Variants in ROR2 observed in about 807,000 individuals in gnomAD.
ROR2 encodes the protein ROR family WNT receptor 2, also known as tyrosine-protein kinase transmembrane receptor ROR2.
ROR2 carries 33 observed loss-of-function variants against 74.9 expected under a neutral mutation model. The observed-to-expected ratio is 0.44, with a 90% CI of 0.33 to 0.59. The LOEUF (loss-of-function observed/expected upper bound fraction) is 0.59, where lower values mean the gene tolerates loss of function less well. Among genes scored for constraint, ROR2 ranks in the 20% least tolerant of loss-of-function variants. The probability of loss-of-function intolerance (pLI) is 0.02; values close to 1 mark genes in which losing one functional copy is unlikely to be tolerated. For synonymous variants in ROR2, 586 were observed against 558.7 expected, an observed-to-expected ratio of 1.05 and a Z score of -0.69; for missense variants, 1,216 against 1,313.8, an observed-to-expected ratio of 0.93 and a Z score of 1.15.
intron 4 of ROR2, among the ~76,000 whole-genome samples, chr9:91,751,141 A>G (rs1264030374): frequency 6.6e-6 from 1 of 152,184 alleles, no homozygotes; most frequent in Non-Finnish European, 1.5e-5. Flanking sequence ...CATAGGGACA[A>G]AGAGACTTGG....
chr9:91,904,357 G>A (rs576546381), intron 1 of ROR2, among the ~76,000 whole-genome samples: 16 of 152,322 alleles, frequency 1.1e-4, no homozygotes, highest in African/African-American at 2.2e-4. Context: ...CAAGTTTAGC[G>A]GGTGGAGCCC....
chr9:91,766,856 C>G (rs970279238), intron 2 of ROR2, among the ~76,000 whole-genome samples: 3 of 152,186 alleles, frequency 2.0e-5, no homozygotes, highest in Admixed American at 6.5e-5. Flanking sequence ...GAAGTCTTCC[C>G]TTTTAATTGA....
intron 1 of ROR2, among the ~76,000 whole-genome samples, chr9:91,909,583 C>T (rs549638839): frequency 1.3e-4 from 20 of 151,004 alleles, no homozygotes; most frequent in Non-Finnish European, 2.9e-4. Flanking sequence ...AACTCCTGGC[C>T]TCAAGTAATC....
At chr9:91,806,877 T>A (rs534913010) in intron 1 of ROR2, among the ~76,000 whole-genome samples, 1 of 152,184 alleles carries the variant, frequency 6.6e-6, no homozygotes, top group Non-Finnish European at 1.5e-5. Flanking sequence ...GCATAAGCCA[T>A]CGCGCCTGGC....
chr9:91,906,837 G>A (rs528589787), intron 1 of ROR2, among the ~76,000 whole-genome samples: 1 of 152,290 alleles, frequency 6.6e-6, no homozygotes, highest in South Asian at 2.1e-4. Context: ...CAGCTTTAGA[G>A]CGCCTAGAAC....
chr9:91,841,939 C>G (rs1028867300), intron 1 of ROR2, among the ~76,000 whole-genome samples: 3 of 152,184 alleles, frequency 2.0e-5, no homozygotes, highest in Non-Finnish European at 4.4e-5. Flanking sequence ...AAAGAAAAGA[C>G]AGAATGCCTT....
chr9:91,803,797 A>G (rs1463585408), intron 1 of ROR2, among the ~76,000 whole-genome samples: 1 of 152,198 alleles, frequency 6.6e-6, no homozygotes, highest in Non-Finnish European at 1.5e-5. Context: ...TGTGCATAAA[A>G]CCGACAGCTT....
chr9:91,841,583 T>C (rs2119217564), intron 1 of ROR2, among the ~76,000 whole-genome samples: 1 of 152,314 alleles, frequency 6.6e-6, no homozygotes, highest in South Asian at 2.1e-4. Context: ...ATGGGTGAGG[T>C]CTGTGAAAAA....
At chr9:91,927,778 G>A (rs1333189941) in intron 1 of ROR2, among the ~76,000 whole-genome samples, 1 of 151,804 alleles carries the variant, frequency 6.6e-6, no homozygotes, top group African/African-American at 2.4e-5. Context: ...TGCCCAGGCT[G>A]GTCTTGAACT....
intron 1 of ROR2, among the ~76,000 whole-genome samples, chr9:91,802,355 C>T (rs564218918): frequency 2.0e-5 from 3 of 152,184 alleles, no homozygotes; most frequent in East Asian, 1.9e-4. Flanking sequence ...AGATTACAGG[C>T]GTGAGCCACC....
intron 1 of ROR2, among the ~76,000 whole-genome samples, chr9:91,934,392 AC>A (rs1381698937): frequency 1.3e-5 from 2 of 152,184 alleles, no homozygotes; most frequent in African/African-American, 4.8e-5. Context: ...TTGTTTAAAT[AC>A]TTAGAATTAT....
chr9:91,789,449 T>C (rs1826904795), intron 1 of ROR2, among the ~76,000 whole-genome samples: 3 of 152,194 alleles, frequency 2.0e-5, no homozygotes, highest in Admixed American at 6.5e-5. Context: ...AATTCTTTTA[T>C]TCATTTACTT....
At chr9:91,920,991 G>C (rs529652675) in intron 1 of ROR2, among the ~76,000 whole-genome samples, 19 of 152,370 alleles carry the variant, frequency 1.2e-4, no homozygotes, top group African/African-American at 4.6e-4. Context: ...CCAAGCCTCA[G>C]ACAGCTTGTG....
intron 1 of ROR2, among the ~76,000 whole-genome samples, chr9:91,865,811 G>C (rs944335015): frequency 6.6e-6 from 1 of 152,172 alleles, no homozygotes; most frequent in Non-Finnish European, 1.5e-5. Flanking sequence ...GAAGGGAAGA[G>C]CTCAGTCAGC....
chr9:91,948,272 G>T (rs1832066239), intron 1 of ROR2, among the ~76,000 whole-genome samples: 1 of 152,166 alleles, frequency 6.6e-6, no homozygotes, highest in Non-Finnish European at 1.5e-5. Context: ...ACAATTAACC[G>T]CAGGGTGAAC....
At chr9:91,830,719 T>C (rs1281945226) in intron 1 of ROR2, among the ~76,000 whole-genome samples, 1 of 152,068 alleles carries the variant, frequency 6.6e-6, no homozygotes, top group Non-Finnish European at 1.5e-5. Context: ...CATCCATCGT[T>C]CATGGAAGTT....
intron 1 of ROR2, among the ~76,000 whole-genome samples, chr9:91,807,821 T>C (rs759462139): frequency 2.6e-5 from 4 of 151,942 alleles, no homozygotes; most frequent in Non-Finnish European, 4.4e-5. Flanking sequence ...AACAGGCCTG[T>C]TGGGGAAGTC....
At chr9:91,812,402 G>A (rs1827784324) in intron 1 of ROR2, among the ~76,000 whole-genome samples, 1 of 152,050 alleles carries the variant, frequency 6.6e-6, no homozygotes, top group African/African-American at 2.4e-5. Context: ...GCGGGGGCCG[G>A]GCATGTGGGG....
At chr9:91,771,500 C>T (rs1192206479) in intron 2 of ROR2, among the ~76,000 whole-genome samples, 1 of 152,200 alleles carries the variant, frequency 6.6e-6, no homozygotes, top group Non-Finnish European at 1.5e-5. Context: ...AATGTAACAA[C>T]GAAGACAAAG....
Sources: gnomAD v4.1 joint callset for allele counts (sites outside exome capture counted in the v4.1 genomes callset) on GRCh38, gnomAD v4.1.1 for gene constraint, MANE v1.5 for transcripts, NCBI Gene and HGNC (gene_info 2026-07-23, HGNC 2026-07-21) for gene names.